CPS1: variants seen among roughly 807,000 people sequenced by gnomAD.
The protein encoded by CPS1 is carbamoyl-phosphate synthase 1, also known as carbamoyl-phosphate synthase [ammonia], mitochondrial.
Under a neutral mutation model 174.6 loss-of-function variants are expected in CPS1, and 109 were observed. That is an observed-to-expected ratio of 0.62 (90% CI 0.53 to 0.73). The LOEUF (loss-of-function observed/expected upper bound fraction) is 0.73, where lower values mean the gene tolerates loss of function less well. Ranked by LOEUF, CPS1 falls within the 30% of genes least tolerant of loss-of-function variation. The pLI is 0.00. For synonymous variants in CPS1, 637 were observed against 632.0 expected (o/e 1.01, Z -0.12); for missense variants, 1,689 against 1,821.9 (o/e 0.93, Z 1.33).
intron 1 of CPS1, among the ~76,000 whole-genome samples, chr2:210,527,586 T>C (rs1214261334): frequency 6.6e-6 from 1 of 151,950 alleles, no homozygotes. Context: ...AAGTGTTTCC[T>C]GATATCCCTG....
At chr2:210,482,353 CTGGAGTGCAA>C (rs1174861540) in intron 1 of CPS1, among the ~76,000 whole-genome samples, 1 of 151,230 alleles carries the variant, frequency 6.6e-6, no homozygotes, top group African/African-American at 2.4e-5. Context: ...GTCTCCCAGG[CTGGAGTGCAA>C]TGGTGCGATC....
chr2:210,663,757 T>A (rs1373885111), intron 33 of CPS1, among the ~76,000 whole-genome samples: 2 of 152,174 alleles, frequency 1.3e-5, no homozygotes, highest in Non-Finnish European at 2.9e-5. Context: ...GCTGAAGGTT[T>A]CTTTAGGATT....
At chr2:210,546,999 A>G (rs1696580879) in intron 1 of CPS1, among the ~76,000 whole-genome samples, 1 of 152,118 alleles carries the variant, frequency 6.6e-6, no homozygotes, top group Admixed American at 6.6e-5. Context: ...GTGAAAGAAC[A>G]CCGTAGTATA....
At position 210,577,458 on chromosome 2, in the gene CPS1, A is replaced by G. The variant is rs1477465275; in HGVS notation, c.419A>G (p.Tyr140Cys). 1.4e-5 allele frequency: 23 copies of G among 1,613,822 alleles called. No homozygotes were observed. Among genetic ancestry groups the G allele is most frequent in the Non-Finnish European group, 1.9e-5 (23 of 1,179,874 alleles). ...GLLVLDYSKD[Y>C]NHWLATKSLG... ...CTGGTGCTGGATTATAGTAAAGACT[A>G]CAACCACTGGCTGGCTACCAAGAGT... The change falls in exon 4 of 38, where the codon TAC becomes TGC. Residue 140 changes from tyrosine (Y) to cysteine (C), a missense_variant. Transcript: ENST00000233072.
chr2:210,541,255 A>T (rs866504680), intron 1 of CPS1, among the ~76,000 whole-genome samples: 7 of 152,162 alleles, frequency 4.6e-5, no homozygotes, highest in African/African-American at 1.7e-4. Context: ...CTGAGTTGTG[A>T]TATTTAAAAG....
chr2:210,638,501 T>C (rs562143313), intron 22 of CPS1, among the ~76,000 whole-genome samples: 3 of 152,228 alleles, frequency 2.0e-5, no homozygotes, highest in Non-Finnish European at 4.4e-5. Context: ...AAGGGGCACG[T>C]GCATACCCTT....
intron 32 of CPS1, among the ~76,000 whole-genome samples, chr2:210,661,274 T>G (rs181705582): frequency 6.6e-6 from 1 of 152,326 alleles, no homozygotes; most frequent in East Asian, 1.9e-4. Flanking sequence ...CATTGTGATC[T>G]CCTAGCTGCA....
chr2:210,645,467 A>G (rs1204870891), intron 25 of CPS1, among the ~76,000 whole-genome samples: 1 of 152,220 alleles, frequency 6.6e-6, no homozygotes, highest in Non-Finnish European at 1.5e-5. Flanking sequence ...CTGAAAGTGT[A>G]TTAGTTTCAG....
chr2:210,677,755 A>T lies in CPS1; in HGVS notation c.4405-132A>T, dbSNP rs77615405. ...ACATGGGAGAAAGTCTCCATTACATAAAAAACTTTTATGCCTTTTATCCCA... is the reference window on the plus strand; with the variant it reads ...ACATGGGAGAAAGTCTCCATTACATTAAAAACTTTTATGCCTTTTATCCCA... On this transcript the variant is annotated intron_variant, in intron 37 of 37. Coordinates refer to ENST00000233072, the MANE Select transcript of CPS1 (RefSeq NM_001875.5). The T allele has an allele frequency of 5.3e-3, 4,245 of 796,354 alleles. 139 individuals carry two copies. In the African/African-American group the frequency reaches 0.065, roughly 12 times the overall value. The allele number at this position is 796,354 out of a possible 1,614,324, so 49.3% of individuals were successfully genotyped here. A position where few individuals can be genotyped will look rare whatever the true frequency, so the allele number is the denominator to read the frequency against.
intron 21 of CPS1, chr2:210,619,794 G>A (rs1012004202): frequency 2.6e-5 from 4 of 152,042 alleles, no homozygotes. Flanking sequence ...CAGAGGATGA[G>A]CATATCATTA....
rs61509952 is a variant in CPS1, at chr2:210,556,728, A to ATCT, written c.-4_-3insTTC. The ATCT allele has an allele frequency of 0.4, 651,845 of 1,610,000 alleles. 135,416 individuals are homozygous for ATCT. Among genetic ancestry groups the ATCT allele is most frequent in the African/African-American group, 0.59 (43,901 of 74,664 alleles). ...TTTCATTTAATTTTAGCCACAAATC[A>ATCT]TCAAAATGACGAGGATTTTGACAGC... On this transcript the variant is annotated 5_prime_UTR_variant, in exon 1 of 38. Coordinates refer to ENST00000233072, the MANE Select transcript of CPS1 (RefSeq NM_001875.5).
At chr2:210,549,152 G>A (rs536420565) in intron 1 of CPS1, among the ~76,000 whole-genome samples, 4 of 152,158 alleles carry the variant, frequency 2.6e-5, no homozygotes, top group South Asian at 2.1e-4. Context: ...GGGTCCAGTA[G>A]TGTCCTGGCA....
chr2:210,515,281 T>C (rs1163277406), intron 1 of CPS1, among the ~76,000 whole-genome samples: 3 of 151,874 alleles, frequency 2.0e-5, no homozygotes, highest in African/African-American at 4.8e-5. Flanking sequence ...TGAAACAAGC[T>C]CTTCTTTGTA....
At chr2:210,653,873 A>G in intron 28 of CPS1, 152 bp from the exon 29 acceptor site, 1 of 685,502 alleles carries the variant, frequency 1.5e-6, no homozygotes, top group East Asian at 2.8e-5. Context: ...CTTACAGCAC[A>G]GATTAGGTAA....
intron 25 of CPS1, among the ~76,000 whole-genome samples, chr2:210,644,247 A>T (rs1700309789): frequency 6.6e-6 from 1 of 152,100 alleles, no homozygotes; most frequent in Non-Finnish European, 1.5e-5. Context: ...GTATTACTAT[A>T]TATTAGGAGG....
intron 21 of CPS1, 88 bp downstream of exon 21, chr2:210,616,629 A>G (rs1699318358): frequency 3.5e-6 from 3 of 855,538 alleles, no homozygotes; most frequent in Non-Finnish European, 4.0e-6. Context: ...TTTGGTCTAC[A>G]TTGTGATTCA....
In CPS1 at chr2:210,581,613, C is replaced by T. The variant is rs1358590540; in HGVS notation, c.529-1004C>T. 2.0e-5 allele frequency among the ~76,000 whole-genome samples: 3 copies of T among 152,250 alleles called. No homozygotes were observed. The South Asian group carries it at 6.2e-4, about 32-fold the overall frequency. Reference sequence around the variant, plus strand: ...GCGACTTGGATTATAAAAGTAAATACAGGCCACCATGAAATGTAGTAATCT... The same window carrying T: ...GCGACTTGGATTATAAAAGTAAATATAGGCCACCATGAAATGTAGTAATCT... On this transcript the variant is annotated intron_variant, in intron 5 of 37. Coordinates refer to ENST00000233072, the MANE Select transcript of CPS1 (RefSeq NM_001875.5).
chr2:210,554,542 T>C (rs1167901440), upstream of CPS1, among the ~76,000 whole-genome samples: 2 of 151,842 alleles, frequency 1.3e-5, no homozygotes, highest in Non-Finnish European at 2.9e-5. Flanking sequence ...CATATTTGAT[T>C]AAAACATAAG....
intron 2 of CPS1, among the ~76,000 whole-genome samples, chr2:210,573,879 CTAGT>C (rs1204693734): frequency 6.6e-6 from 1 of 151,964 alleles, no homozygotes; most frequent in African/African-American, 2.4e-5. Flanking sequence ...ATTTTGCACT[CTAGT>C]AAGAAAGTTG....
Sources: allele counts gnomAD v4.1 joint callset (sites outside exome capture counted in the v4.1 genomes callset), GRCh38; gene constraint gnomAD v4.1.1; transcripts MANE v1.5; gene names NCBI Gene and HGNC (gene_info 2026-07-23, HGNC 2026-07-21).